The following CDH12 variants were observed in gnomAD, a reference collection of about 807,000 sequenced individuals.
CDH12 encodes the protein cadherin-12.
CDH12 carries 41 observed loss-of-function variants against 74.1 expected under a neutral mutation model. The ratio of observed to expected loss-of-function variants is 0.55; its 90% confidence interval spans 0.43 to 0.72. The LOEUF is 0.72. Among genes scored for constraint, CDH12 ranks in the 30% least tolerant of loss-of-function variants. CDH12 has a pLI of 0.00. For synonymous variants in CDH12, 399 were observed against 355.0 expected (o/e 1.12, Z -1.39); for missense variants, 945 against 977.2 (o/e 0.97, Z 0.44).
At chr5:22,573,271 T>C (rs754609118) in intron 1 of CDH12, among the ~76,000 whole-genome samples, 2 of 152,178 alleles carry the variant, frequency 1.3e-5, no homozygotes, top group Non-Finnish European at 2.9e-5. Context: ...TGAATTTATA[T>C]ACATAAATCA....
At chr5:22,733,649 A>G (rs568608668) in intron 1 of CDH12, among the ~76,000 whole-genome samples, 1 of 151,886 alleles carries the variant, frequency 6.6e-6, no homozygotes, top group Non-Finnish European at 1.5e-5. Flanking sequence ...CATAAGCCCA[A>G]GTCCGTGAAA....
intron 13 of CDH12, among the ~76,000 whole-genome samples, chr5:21,759,370 G>A (rs952935536): frequency 6.6e-6 from 1 of 151,130 alleles, no homozygotes; most frequent in African/African-American, 2.4e-5. Flanking sequence ...TCTTTAAGTA[G>A]CAAATTCTCA....
At chr5:22,442,609 C>T (rs1410436941) in intron 2 of CDH12, among the ~76,000 whole-genome samples, 2 of 152,044 alleles carry the variant, frequency 1.3e-5, no homozygotes, top group Admixed American at 1.3e-4. Context: ...TTGTGATCAC[C>T]CTGTTTTTTA....
At chr5:21,804,674 A>ACG (rs1747334968) in intron 9 of CDH12, among the ~76,000 whole-genome samples, 1 of 151,700 alleles carries the variant, frequency 6.6e-6, no homozygotes, top group Non-Finnish European at 1.5e-5. Context: ...ACACACACAC[A>ACG]CACACACACA....
chr5:21,889,267 G>A (rs1034404506), intron 6 of CDH12, among the ~76,000 whole-genome samples: 13 of 152,034 alleles, frequency 8.6e-5, no homozygotes, highest in Non-Finnish European at 1.3e-4. Flanking sequence ...CAATAAAAAA[G>A]TGTAAGAGCT....
chr5:22,124,695 T>C (rs1000778668), intron 4 of CDH12, among the ~76,000 whole-genome samples: 1 of 152,264 alleles, frequency 6.6e-6, no homozygotes, highest in East Asian at 1.9e-4. Context: ...TCCCATACTC[T>C]ATTAATCTTC....
intron 5 of CDH12, among the ~76,000 whole-genome samples, chr5:22,009,079 C>T (rs910231268): frequency 3.3e-5 from 5 of 152,224 alleles, no homozygotes; most frequent in Non-Finnish European, 7.3e-5. Context: ...AAATCTCAAA[C>T]TCTGCATAGA....
At chr5:22,802,012 T>C (rs1031358990) in intron 1 of CDH12, among the ~76,000 whole-genome samples, 78 of 152,096 alleles carry the variant, frequency 5.1e-4, no homozygotes, top group Admixed American at 5.1e-3. Flanking sequence ...ATGTCACTCT[T>C]ACTAAATTGC....
intron 4 of CDH12, among the ~76,000 whole-genome samples, chr5:22,165,284 C>G (rs1009026989): frequency 6.6e-6 from 1 of 152,200 alleles, no homozygotes; most frequent in Non-Finnish European, 1.5e-5. Context: ...AATCTCCCTT[C>G]ACTTTCTCCA....
At chr5:22,383,816 A>G (rs540585374) in intron 3 of CDH12, among the ~76,000 whole-genome samples, 1 of 152,260 alleles carries the variant, frequency 6.6e-6, no homozygotes, top group East Asian at 1.9e-4. Context: ...GAAATCATTC[A>G]CATTTGGAGA....
Position 22,253,332 on chromosome 5 carries a change from CTT to C in CDH12, c.-332-40691_-332-40690del, listed in dbSNP as rs1753197396. Reference sequence around the variant, plus strand: ...TTAGCTTTAGCTTATAAATAAATAACTTTATAACTGTTAATAAATAAGTAAAA... The same window carrying C: ...TTAGCTTTAGCTTATAAATAAATAACTATAACTGTTAATAAATAAGTAAAA... On this transcript the variant is annotated intron_variant, in intron 3 of 14. Transcript: ENST00000382254. Among the ~76,000 whole-genome samples the C allele has an allele frequency of 2.0e-5, 3 of 151,860 alleles. No homozygotes were observed. In the South Asian group the frequency reaches 6.2e-4, roughly 31 times the overall value.
chr5:22,790,256 A>T (rs186158210), intron 1 of CDH12, among the ~76,000 whole-genome samples: 57 of 152,302 alleles, frequency 3.7e-4, no homozygotes, highest in Non-Finnish European at 7.4e-4. Flanking sequence ...GAGGGGAAAA[A>T]AATGCCAAGT....
intron 4 of CDH12, among the ~76,000 whole-genome samples, chr5:22,184,299 G>A (rs1471042107): frequency 6.6e-6 from 1 of 152,106 alleles, no homozygotes; most frequent in African/African-American, 2.4e-5. Context: ...TCATAAAATT[G>A]ACCCTTGGTT....
intron 2 of CDH12, among the ~76,000 whole-genome samples, chr5:22,423,865 T>C (rs1024013575): frequency 6.6e-6 from 1 of 150,454 alleles, no homozygotes; most frequent in Non-Finnish European, 1.5e-5. Flanking sequence ...TAGCCGGGCG[T>C]GTTGGCGGGC....
intron 4 of CDH12, among the ~76,000 whole-genome samples, chr5:22,088,878 G>A (rs1355756368): frequency 1.3e-5 from 2 of 152,176 alleles, no homozygotes; most frequent in African/African-American, 4.8e-5. Context: ...TGAGGCAGTT[G>A]TGAAAGTGTC....
At chr5:22,615,418 T>G (rs1045883035) in intron 1 of CDH12, among the ~76,000 whole-genome samples, 1 of 152,114 alleles carries the variant, frequency 6.6e-6, no homozygotes, top group Non-Finnish European at 1.5e-5. Context: ...AAATAATTAA[T>G]AGAATATAAA....
chr5:22,086,124 GA>G lies in CDH12; in HGVS notation c.-186-7263del, dbSNP rs546368705. On this transcript the variant is annotated intron_variant, in intron 4 of 14. Transcript: ENST00000382254. ...TTAACACTCACTCTTTTGTTTTATA[GA>G]CTGCCTGCTGAGAAGCAGACATAGT... is the stretch of plus-strand genomic sequence containing the variant. 1.6e-3 allele frequency among the ~76,000 whole-genome samples: 248 copies of G among 152,078 alleles called. 1 individual carries two copies. The highest frequency in any genetic ancestry group is 2.8e-3 in the Non-Finnish European group (190 of 67,986).
intron 6 of CDH12, among the ~76,000 whole-genome samples, chr5:21,937,064 A>G (rs1755104680): frequency 6.6e-6 from 1 of 152,226 alleles, no homozygotes; most frequent in Admixed American, 6.5e-5. Flanking sequence ...AAATTGTGGT[A>G]ATCAACTAGT....
At chr5:22,357,417 C>A (rs758661708) in intron 3 of CDH12, among the ~76,000 whole-genome samples, 1 of 151,818 alleles carries the variant, frequency 6.6e-6, no homozygotes, top group Non-Finnish European at 1.5e-5. Context: ...GATGTTAACT[C>A]GGTACCCCAA....
Sources: gnomAD v4.1 joint callset for allele counts (sites outside exome capture counted in the v4.1 genomes callset) on GRCh38, gnomAD v4.1.1 for gene constraint, MANE v1.5 for transcripts, NCBI Gene and HGNC (gene_info 2026-07-23, HGNC 2026-07-21) for gene names.